Variants in PPP1CC observed in about 807,000 individuals in gnomAD.
PPP1CC encodes the protein protein phosphatase 1 catalytic subunit gamma, also known as serine/threonine-protein phosphatase PP1-gamma catalytic subunit.
In PPP1CC, 16 loss-of-function variants were observed where a neutral mutation model predicts 38.4. The observed-to-expected ratio is 0.42, with a 90% CI of 0.28 to 0.63. The LOEUF (loss-of-function observed/expected upper bound fraction) is 0.63, where lower values mean the gene tolerates loss of function less well. PPP1CC is among the 30% of genes least tolerant of loss of function. PPP1CC has a pLI of 0.25. For missense variants in PPP1CC, 170 were observed against 391.3 expected, an observed-to-expected ratio of 0.43 and a Z score of 4.77; for synonymous variants, 158 against 136.0, an observed-to-expected ratio of 1.16 and a Z score of -1.13.
Position 110,722,304 on chromosome 12 carries a change from C to A in PPP1CC, c.748-35G>T. The stretch of plus-strand genomic sequence containing the variant: ...AAAATTTTTTCAATATAAATAGGTG[C>A]AAATATTAGGTGAGTAAAACCATGT... On this transcript the variant is annotated intron_variant, in intron 5 of 6. Transcript: ENST00000335007. The surrounding 1 kb of genome is among the most constrained non-coding windows in gnomAD (Gnocchi z 5.4). 1.9e-6 allele frequency: 3 copies of A among 1,607,006 alleles called. No individual in the cohort carries two copies. Among genetic ancestry groups the A allele is most frequent in the Non-Finnish European group, 2.6e-6 (3 of 1,174,840 alleles).
chr12:110,728,498 A>T (rs941502995), intron 3 of PPP1CC, among the ~76,000 whole-genome samples: 1 of 152,158 alleles, frequency 6.6e-6, no homozygotes, highest in Non-Finnish European at 1.5e-5. Context: ...CATGACTGTA[A>T]TCCCAGCACT....
intron 1 of PPP1CC, chr12:110,734,975 G>A (rs1473923682): frequency 7.6e-6 from 1 of 132,246 alleles, no homozygotes; most frequent in Non-Finnish European, 1.6e-5. Context: ...GGGCGACAGA[G>A]TGAGACTCCA....
At chr12:110,738,894 G>A (rs2069978831) in intron 1 of PPP1CC, among the ~76,000 whole-genome samples, 2 of 152,244 alleles carry the variant, frequency 1.3e-5, no homozygotes, top group Non-Finnish European at 1.5e-5. Flanking sequence ...TGCCTAGGAG[G>A]AGAGGAAGTG....
downstream of PPP1CC, among the ~76,000 whole-genome samples, chr12:110,717,132 G>A (rs1486423710): frequency 1.3e-5 from 2 of 152,146 alleles, no homozygotes; most frequent in Admixed American, 6.5e-5. Flanking sequence ...TTATGACTAA[G>A]GCAAGTTGTA....
intron 1 of PPP1CC, among the ~76,000 whole-genome samples, chr12:110,733,520 C>T (rs1327248905): frequency 1.3e-5 from 2 of 151,994 alleles, no homozygotes; most frequent in Admixed American, 6.6e-5. Flanking sequence ...CACCTTTGAA[C>T]ATAGTTTATA....
chr12:110,736,292 CAAT>C (rs1483980001), intron 1 of PPP1CC, among the ~76,000 whole-genome samples: 1 of 152,124 alleles, frequency 6.6e-6, no homozygotes, highest in Non-Finnish European at 1.5e-5. Flanking sequence ...CTGACACGAG[CAAT>C]AATAAAAACT....
Position 110,721,062 on chromosome 12 carries a change from T to C in PPP1CC, c.*14A>G. On this transcript the variant is annotated 3_prime_UTR_variant, in exon 7 of 7. Transcript: ENST00000335007. ...TATGTTACAAGTCCCGACTAGGCAG[T>C]GTCAAAACGACATCTATTTCTTTGC... The C allele has an allele frequency of 6.2e-7, 1 of 1,611,056 alleles. No individual in the cohort carries two copies. Among genetic ancestry groups the C allele is most frequent in the Admixed American group, 1.7e-5 (1 of 60,014 alleles).
At chr12:110,724,014 A>G (rs1445258805) in intron 4 of PPP1CC, among the ~76,000 whole-genome samples, 1 of 151,410 alleles carries the variant, frequency 6.6e-6, no homozygotes, top group Non-Finnish European at 1.5e-5. Flanking sequence ...CGAGGCGGGC[A>G]GATCACGAGG....
In PPP1CC at chr12:110,722,978, A is replaced by AT. The variant is rs746736874; in HGVS notation, c.524-284dup. Among the ~76,000 whole-genome samples the AT allele has an allele frequency of 2.8e-4, 42 of 152,356 alleles. No homozygotes were observed. Among genetic ancestry groups the AT allele is most frequent in the Non-Finnish European group, 5.7e-4 (39 of 68,024 alleles). Reference sequence around the variant, plus strand: ...GAACACTGTAAAATAAAATCCAGTGATTTAAAAAACTCTTCTATGGGCTTC... The same window carrying AT: ...GAACACTGTAAAATAAAATCCAGTGATTTTAAAAAACTCTTCTATGGGCTTC... On this transcript the variant is annotated intron_variant, in intron 4 of 6. Coordinates refer to ENST00000335007, the MANE Select transcript of PPP1CC (RefSeq NM_002710.4). This position sits in a 1 kb window ranked among gnomAD's most constrained non-coding sequence, Gnocchi z 5.4.
intron 3 of PPP1CC, among the ~76,000 whole-genome samples, chr12:110,728,616 A>G (rs1034709289): frequency 6.7e-6 from 1 of 149,940 alleles, no homozygotes; most frequent in South Asian, 2.1e-4. Flanking sequence ...AAAAACAAAC[A>G]AAAAAAACCC....
Position 110,722,798 on chromosome 12 carries a change from A to C in PPP1CC, c.524-103T>G. On this transcript the variant is annotated intron_variant, in intron 4 of 6. Coordinates refer to ENST00000335007, the MANE Select transcript of PPP1CC (RefSeq NM_002710.4). This position sits in a 1 kb window ranked among gnomAD's most constrained non-coding sequence, Gnocchi z 5.4. ...TCTACAGAGAAATTCAATAATCCTG[A>C]CATAAAAACTGAAATCTATGATTAT... The C allele has an allele frequency of 1.2e-6, 1 of 850,020 alleles. No homozygotes were observed. Among genetic ancestry groups the C allele is most frequent in the Non-Finnish European group, 1.8e-6 (1 of 566,768 alleles). The allele number at this position is 850,020 out of a possible 1,614,324, so 52.7% of individuals were successfully genotyped here. A position where few individuals can be genotyped will look rare whatever the true frequency, so the allele number is the denominator to read the frequency against.
At chr12:110,719,180 C>T (rs1027989679), downstream of PPP1CC, among the ~76,000 whole-genome samples, 1 of 152,020 alleles carries the variant, frequency 6.6e-6, no homozygotes, top group Non-Finnish European at 1.5e-5. Context: ...GAGAATATTA[C>T]GTAAAAGTGA....
chr12:110,740,415 C>T (rs2070004520), intron 1 of PPP1CC, among the ~76,000 whole-genome samples: 2 of 152,030 alleles, frequency 1.3e-5, no homozygotes, highest in South Asian at 4.1e-4. Context: ...GTGAGACTCT[C>T]ATTTCTATTT....
At chr12:110,741,393 C>A (rs2070015749) in intron 1 of PPP1CC, among the ~76,000 whole-genome samples, 1 of 152,160 alleles carries the variant, frequency 6.6e-6, no homozygotes, top group Non-Finnish European at 1.5e-5. Flanking sequence ...TGTATAAAGG[C>A]AAAAAGCAGT....
intron 1 of PPP1CC, among the ~76,000 whole-genome samples, chr12:110,737,979 ACTGT>A (rs1295507124): frequency 2.0e-5 from 3 of 152,134 alleles, no homozygotes; most frequent in Non-Finnish European, 2.9e-5. Context: ...GCTGCAAAAC[ACTGT>A]CTACTGTTCT....
downstream of PPP1CC, among the ~76,000 whole-genome samples, chr12:110,717,761 C>G (rs2069699100): frequency 2.0e-5 from 3 of 152,168 alleles, no homozygotes; most frequent in Admixed American, 2.0e-4. Context: ...GAAGACATTC[C>G]TTCTTTGTTC....
intron 3 of PPP1CC, among the ~76,000 whole-genome samples, chr12:110,728,054 G>A (rs373555571): frequency 2.6e-5 from 4 of 152,212 alleles, no homozygotes; most frequent in South Asian, 2.1e-4. Context: ...ATTCATCAGT[G>A]CAAACATGAA....
chr12:110,716,356 C>CTTT (rs11065705), downstream of PPP1CC, among the ~76,000 whole-genome samples: 9 of 145,318 alleles, frequency 6.2e-5, no homozygotes, highest in African/African-American at 2.0e-4. Flanking sequence ...TTAGTTTTAA[C>CTTT]TTTTTTTTTT....
chr12:110,739,010 T>C (rs2069980167), intron 1 of PPP1CC, among the ~76,000 whole-genome samples: 1 of 152,078 alleles, frequency 6.6e-6, no homozygotes, highest in South Asian at 2.1e-4. Context: ...AGTGTAAAAA[T>C]TACCTGCTCT....
Sources: allele counts gnomAD v4.1 joint callset (sites outside exome capture counted in the v4.1 genomes callset), GRCh38; gene constraint gnomAD v4.1.1; non-coding constraint Gnocchi (gnomAD v3.1); transcripts MANE v1.5; gene names NCBI Gene and HGNC (gene_info 2026-07-23, HGNC 2026-07-21).